Variants in SLC25A53 observed in about 807,000 individuals in gnomAD.
SLC25A53 encodes mitochondrial carrier triple repeat protein 6.
Under a neutral mutation model 15.0 loss-of-function variants are expected in SLC25A53, and 5 were observed. The observed-to-expected ratio is 0.33, with a 90% CI of 0.17 to 0.70. The LOEUF is 0.70. Among genes scored for constraint, SLC25A53 ranks in the 30% least tolerant of loss-of-function variants. SLC25A53 has a pLI of 0.67. For synonymous variants in SLC25A53, 95 were observed against 100.0 expected (o/e 0.95, Z 0.30); for missense variants, 216 against 241.6 (o/e 0.89, Z 0.70).
chrX:104,108,157 T>C (rs1237042971), intron 1 of SLC25A53, among the ~76,000 whole-genome samples: 2 of 111,806 alleles, frequency 1.8e-5, no homozygotes, highest in African/African-American at 3.3e-5. Context: ...GTTTCTCCCA[T>C]GTATTTTCTG....
chrX:104,106,030 C>G (rs1330758143), intron 1 of SLC25A53, among the ~76,000 whole-genome samples: 2 of 111,851 alleles, frequency 1.8e-5, no homozygotes. Flanking sequence ...CCTCTGCACT[C>G]GAGAATGTTC....
intron 1 of SLC25A53, chrX:104,112,454 G>A (rs1556359348): frequency 8.8e-6 from 1 of 113,886 alleles, no homozygotes; most frequent in Non-Finnish European, 1.9e-5. Flanking sequence ...CAGTAGCTTC[G>A]GGGCCGGAGG....
At chrX:104,129,303 G>A (rs1406494437) in intron 1 of SLC25A53, among the ~76,000 whole-genome samples, 1 of 111,500 alleles carries the variant, frequency 9.0e-6, no homozygotes, top group Non-Finnish European at 1.9e-5. Context: ...GATGTACTGT[G>A]TTGCTGATTT....
chrX:104,134,380 A>C (rs1222197953), intron 1 of SLC25A53, among the ~76,000 whole-genome samples: 1 of 111,437 alleles, frequency 9.0e-6, no homozygotes, highest in Non-Finnish European at 1.9e-5. Flanking sequence ...CAGAAAGTCC[A>C]TAAGTTATTT....
chrX:104,120,694 C>T (rs1556362552), intron 1 of SLC25A53, among the ~76,000 whole-genome samples: 2 of 111,655 alleles, frequency 1.8e-5, no homozygotes. Flanking sequence ...CTTACTGCAT[C>T]GACTGGGACC....
At chrX:104,121,414 C>T (rs1556362686) in intron 1 of SLC25A53, among the ~76,000 whole-genome samples, 1 of 111,099 alleles carries the variant, frequency 9.0e-6, no homozygotes, top group Non-Finnish European at 1.9e-5. Context: ...CACATGTGAA[C>T]GATTATTTCC....
At chrX:104,119,225 T>C (rs1461242593) in intron 1 of SLC25A53, among the ~76,000 whole-genome samples, 3 of 112,260 alleles carry the variant, frequency 2.7e-5, no homozygotes, top group Non-Finnish European at 5.6e-5. Flanking sequence ...AATGTAGATT[T>C]TATGCAATTA....
At chrX:104,126,896 A>T (rs1459820388) in intron 1 of SLC25A53, among the ~76,000 whole-genome samples, 1 of 112,284 alleles carries the variant, frequency 8.9e-6, no homozygotes, top group Non-Finnish European at 1.9e-5. Flanking sequence ...CTCTCATACA[A>T]TGATGTTAGG....
rs1556362871 is a variant in SLC25A53, at chrX:104,121,898, T to TC, written c.-31-16611_-31-16610insG. 3.9e-3 allele frequency among the ~76,000 whole-genome samples: 99 copies of TC among 25,320 alleles called. 7 individuals carry two copies. Among genetic ancestry groups the TC allele is most frequent in the East Asian group, 5.7e-3 (3 of 524 alleles). The allele number at this position is 25,320 out of a possible 115,157, so 22.0% of individuals were successfully genotyped here. A position where few individuals can be genotyped will look rare whatever the true frequency, so the allele number is the denominator to read the frequency against. ...TGATATATATATATATATATATATA[T>TC]ATATATATATATATATATATATATA... On this transcript the variant is annotated intron_variant, in intron 1 of 1. Coordinates refer to ENST00000594199, the MANE Select transcript of SLC25A53 (RefSeq NM_001012755.5).
At chrX:104,149,948 G>C (rs1368388402) in intron 1 of SLC25A53, among the ~76,000 whole-genome samples, 1 of 111,427 alleles carries the variant, frequency 9.0e-6, no homozygotes. Flanking sequence ...ATAGTAACCA[G>C]AGGGCTGGGC....
chrX:104,122,317 G>GCT, intron 1 of SLC25A53, among the ~76,000 whole-genome samples: 1 of 75,317 alleles, frequency 1.3e-5, no homozygotes, highest in African/African-American at 5.3e-5. Flanking sequence ...TTTTTTTTTT[G>GCT]TTTTTTTTTT....
chrX:104,129,984 G>T (rs2075421626), intron 1 of SLC25A53, among the ~76,000 whole-genome samples: 2 of 108,998 alleles, frequency 1.8e-5, no homozygotes, highest in Admixed American at 1.0e-4. Context: ...CTTTGTGTAT[G>T]TTTGTGATTT....
intron 1 of SLC25A53, among the ~76,000 whole-genome samples, chrX:104,124,133 G>A (rs1353972670): frequency 1.1e-4 from 12 of 111,558 alleles, no homozygotes; most frequent in African/African-American, 3.9e-4. Flanking sequence ...TTGAGGAATC[G>A]CCACACTGTC....
intron 1 of SLC25A53, among the ~76,000 whole-genome samples, chrX:104,144,457 T>C (rs182811987): frequency 2.3e-3 from 257 of 111,064 alleles, no homozygotes; most frequent in Non-Finnish European, 3.9e-3. Context: ...TCCTAGTCTC[T>C]GATAAAACAG....
intron 1 of SLC25A53, among the ~76,000 whole-genome samples, chrX:104,146,691 T>C (rs1556369059): frequency 1.8e-5 from 2 of 110,114 alleles, no homozygotes; most frequent in African/African-American, 6.6e-5. Context: ...ATGAGTGAAC[T>C]CCCATTCACA....
At chrX:104,146,955 C>T (rs1345135916) in intron 1 of SLC25A53, among the ~76,000 whole-genome samples, 6 of 109,059 alleles carry the variant, frequency 5.5e-5, no homozygotes, top group Admixed American at 9.8e-5. Context: ...AAAACTACTT[C>T]AAAGTTCATA....
intron 1 of SLC25A53, among the ~76,000 whole-genome samples, chrX:104,153,249 T>C (rs1344846589): frequency 8.3e-5 from 4 of 48,478 alleles, no homozygotes; most frequent in African/African-American, 4.9e-4. Context: ...AGTGTGTGTA[T>C]ATATATATAT....
Position 104,117,046 on chromosome X carries a change from A to G in SLC25A53, c.-31-11758T>C, listed in dbSNP as rs149694199. On this transcript the variant is annotated intron_variant, in intron 1 of 1. Coordinates refer to ENST00000594199, the MANE Select transcript of SLC25A53 (RefSeq NM_001012755.5). ...CATTCAGTTCCCCCCTGCTCCATGC[A>G]CATCCCCACAATCTCATTCAGATCC... Among the ~76,000 whole-genome samples the G allele has an allele frequency of 5.2e-3, 362 of 69,829 alleles. 2 individuals carry two copies. Among genetic ancestry groups the G allele is most frequent in the Admixed American group, 0.01 (49 of 4,853 alleles). 60.6% of individuals were successfully genotyped at this position (69,829 alleles called of 115,157 possible). A position where few individuals can be genotyped will look rare whatever the true frequency, so the allele number is the denominator to read the frequency against.
chrX:104,150,428 G>C (rs2075481442), intron 1 of SLC25A53, among the ~76,000 whole-genome samples: 1 of 110,788 alleles, frequency 9.0e-6, no homozygotes, highest in South Asian at 3.8e-4. Flanking sequence ...CAACTGGCTT[G>C]GCACTCACAG....
Sources: allele counts gnomAD v4.1 joint callset (sites outside exome capture counted in the v4.1 genomes callset), GRCh38; gene constraint gnomAD v4.1.1; transcripts MANE v1.5; gene names NCBI Gene and HGNC (gene_info 2026-07-23, HGNC 2026-07-21).